Variants in TPTE observed in about 807,000 individuals in gnomAD.
TPTE encodes transmembrane phosphatase with tensin homology, also known as putative tyrosine-protein phosphatase TPTE.
A neutral mutation model predicts 84.1 loss-of-function variants in TPTE; 59 were observed. The observed-to-expected ratio is 0.70, with a 90% CI of 0.57 to 0.87. The LOEUF (loss-of-function observed/expected upper bound fraction) is 0.87. Ranked by LOEUF, TPTE falls within the 40% of genes least tolerant of loss-of-function variation. The pLI is 0.00. For synonymous variants in TPTE, 130 were observed against 223.5 expected, an observed-to-expected ratio of 0.58 and a Z score of 3.73; for missense variants, 382 against 659.6, an observed-to-expected ratio of 0.58 and a Z score of 4.61.
intron 3 of TPTE, among the ~76,000 whole-genome samples, chr21:10,537,677 C>CA (rs58515233): frequency 0.028 from 3,056 of 108,176 alleles, no homozygotes; most frequent in Non-Finnish European, 0.042. Flanking sequence ...GACTCCCCCT[C>CA]AAAAAAAAAA....
chr21:10,566,306 A>G (rs1337213277), intron 10 of TPTE, among the ~76,000 whole-genome samples: 1 of 152,312 alleles, frequency 6.6e-6, no homozygotes, highest in Non-Finnish European at 1.5e-5. Context: ...CTACCATGAG[A>G]TATCATCTCA....
intron 23 of TPTE, among the ~76,000 whole-genome samples, chr21:10,603,970 C>T (rs1184895203): frequency 3.3e-5 from 5 of 152,308 alleles, no homozygotes; most frequent in Non-Finnish European, 7.3e-5. Flanking sequence ...AGGTCCCTGT[C>T]AGTAGGTGTT....
In TPTE at chr21:10,605,679, A is replaced by G. The variant is rs1440186222; in HGVS notation, c.*127A>G. ...TATTTATGTTTATATATGTTTATAT[A>G]TGTTCTTCATAAATCTATTACATAT... On this transcript the variant is annotated 3_prime_UTR_variant, in exon 24 of 24. Coordinates refer to ENST00000618007, the MANE Select transcript of TPTE (RefSeq NM_199261.4). 8 of 1,464,838 alleles carry G rather than the reference A, an allele frequency of 5.5e-6. No individual in the cohort carries two copies. Among genetic ancestry groups the G allele is most frequent in the Non-Finnish European group, 7.3e-6 (8 of 1,098,960 alleles). 90.7% of individuals were successfully genotyped at this position (1,464,838 alleles called of 1,614,324 possible). A position where few individuals can be genotyped will look rare whatever the true frequency, so the allele number is the denominator to read the frequency against.
At chr21:10,602,666 T>G in intron 22 of TPTE, 1 of 518,078 alleles carries the variant, frequency 1.9e-6, no homozygotes, top group South Asian at 1.4e-5. Context: ...TTTGGGTGAC[T>G]CAGTTGGGTG....
intron 5 of TPTE, 99 bp downstream of exon 5, chr21:10,541,264 G>A (rs1600869592): frequency 6.5e-7 from 1 of 1,532,490 alleles, no homozygotes; most frequent in South Asian, 1.1e-5. Flanking sequence ...CTGAGGTCGG[G>A]TGTTCGAGAC....
intron 2 of TPTE, among the ~76,000 whole-genome samples, chr21:10,525,519 C>T (rs1339371366): frequency 1.2e-4 from 18 of 152,302 alleles, no homozygotes; most frequent in Admixed American, 1.2e-3. Context: ...CTGCTTGCTA[C>T]TGAATGTTTT....
At chr21:10,538,296 A>G (rs1382756011) in intron 3 of TPTE, among the ~76,000 whole-genome samples, 2 of 152,310 alleles carry the variant, frequency 1.3e-5, no homozygotes, top group Admixed American at 6.5e-5. Flanking sequence ...TTGTGGACCA[A>G]CAGAGACAAT....
intron 3 of TPTE, among the ~76,000 whole-genome samples, chr21:10,531,419 C>T (rs2074176496): frequency 1.3e-5 from 2 of 152,428 alleles, no homozygotes; most frequent in African/African-American, 4.8e-5. Flanking sequence ...CCTTCATCTT[C>T]CACCATAAAT....
At chr21:10,526,063 T>A (rs891735900) in intron 2 of TPTE, among the ~76,000 whole-genome samples, 2 of 152,310 alleles carry the variant, frequency 1.3e-5, no homozygotes, top group Admixed American at 1.3e-4. Flanking sequence ...TTTCCCCTGT[T>A]ATGATTTATT....
chr21:10,602,281 A>T, intron 22 of TPTE, 131 bp downstream of exon 22: 1 of 1,175,356 alleles, frequency 8.5e-7, no homozygotes, highest in Non-Finnish European at 1.3e-6. Flanking sequence ...ATCTATAACA[A>T]ATTTTTTTAA....
chr21:10,605,644 T>G lies in TPTE; in HGVS notation c.*92T>G, dbSNP rs1979221586. 2 of 1,582,026 alleles carry G rather than the reference T, an allele frequency of 1.3e-6. No individual in the cohort carries two copies. The highest frequency in any genetic ancestry group is 2.4e-5 in the South Asian group (2 of 84,372). On this transcript the variant is annotated 3_prime_UTR_variant, in exon 24 of 24. Coordinates refer to ENST00000618007, the MANE Select transcript of TPTE (RefSeq NM_199261.4). Reference sequence around the variant, plus strand: ...ATCCTAAATCTATCCTAAATGTTCCTTGAAGTATTTATTTATGTTTATATA... The same window carrying G: ...ATCCTAAATCTATCCTAAATGTTCCGTGAAGTATTTATTTATGTTTATATA...
intron 10 of TPTE, among the ~76,000 whole-genome samples, chr21:10,567,191 G>C (rs1177615283): frequency 2.0e-5 from 3 of 152,426 alleles, no homozygotes; most frequent in South Asian, 2.1e-4. Context: ...GTAGGGGCTT[G>C]GGGGTGGGGA....
intron 19 of TPTE, 40 bp from the exon 20 acceptor site, chr21:10,595,940 CTT>C: frequency 6.3e-7 from 1 of 1,587,728 alleles, no homozygotes; most frequent in Non-Finnish European, 8.6e-7. Flanking sequence ...CGACTTTAGA[CTT>C]TTCATCTCCA....
intron 17 of TPTE, among the ~76,000 whole-genome samples, chr21:10,585,710 C>T (rs553600186): frequency 3.9e-5 from 6 of 152,410 alleles, no homozygotes; most frequent in South Asian, 4.1e-4. Context: ...CACCAGTGAA[C>T]GCACATTGGC....
chr21:10,585,241 C>CAAAAAAAAAAAAAAA (rs61644136), intron 17 of TPTE, among the ~76,000 whole-genome samples: 5 of 144,188 alleles, frequency 3.5e-5, no homozygotes, highest in African/African-American at 5.0e-5. Flanking sequence ...AAAAATGAAA[C>CAAAAAAAAAAAAAAA]AAAAAAAAAA....
chr21:10,566,371 G>T (rs1297603927), intron 10 of TPTE, among the ~76,000 whole-genome samples: 2 of 152,306 alleles, frequency 1.3e-5, no homozygotes, highest in African/African-American at 4.8e-5. Flanking sequence ...TCCTGACAAA[G>T]ATGTGAAGAT....
intron 7 of TPTE, among the ~76,000 whole-genome samples, chr21:10,544,293 G>A (rs192969616): frequency 5.9e-5 from 9 of 152,428 alleles, no homozygotes; most frequent in Admixed American, 5.9e-4. Context: ...TGTGAGTTTT[G>A]TATGTAGTAT....
intron 17 of TPTE, among the ~76,000 whole-genome samples, chr21:10,586,023 C>G (rs1314950765): frequency 6.6e-6 from 1 of 152,292 alleles, no homozygotes; most frequent in Non-Finnish European, 1.5e-5. Flanking sequence ...TTTAAAAGAA[C>G]CAAGTTTTTG....
At chr21:10,528,214 G>A (rs1349438925) in intron 3 of TPTE, among the ~76,000 whole-genome samples, 4 of 148,710 alleles carry the variant, frequency 2.7e-5, no homozygotes, top group South Asian at 2.1e-4. Flanking sequence ...AAAAAAAATC[G>A]TGTATACATT....
Sources: allele counts gnomAD v4.1 joint callset (sites outside exome capture counted in the v4.1 genomes callset), GRCh38; gene constraint gnomAD v4.1.1; transcripts MANE v1.5; gene names NCBI Gene and HGNC (gene_info 2026-07-23, HGNC 2026-07-21).